C1orf185: variants seen among roughly 807,000 people sequenced by gnomAD.
C1orf185 encodes the protein uncharacterized protein C1orf185.
In C1orf185, 13 loss-of-function variants were observed where a neutral mutation model predicts 16.1. The ratio of observed to expected loss-of-function variants is 0.81; its 90% CI spans 0.53 to 1.28. The LOEUF is 1.28. Ranked by LOEUF, C1orf185 falls within the 50% of genes most tolerant of loss-of-function variation. C1orf185 has a pLI of 0.00. For synonymous variants in C1orf185, 80 were observed against 76.9 expected (o/e 1.04, Z -0.21); for missense variants, 220 against 225.2 (o/e 0.98, Z 0.15).
At chr1:51,149,231 A>G (rs1296113447), downstream of C1orf185, among the ~76,000 whole-genome samples, 1 of 152,220 alleles carries the variant, frequency 6.6e-6, no homozygotes, top group Non-Finnish European at 1.5e-5. Context: ...TTTGTGCTTA[A>G]ATTACCCATA....
Position 51,121,314 on chromosome 1 carries a change from C to G in C1orf185, c.258+2513C>G, listed in dbSNP as rs188026800. Among the ~76,000 whole-genome samples the G allele has an allele frequency of 5.3e-5, 8 of 152,218 alleles. No homozygotes were observed. In the East Asian group the frequency reaches 1.5e-3, roughly 29 times the overall value. ...CCATCCCAGCCCACCATTCTACTGT[C>G]TGCTTCTACGAGTTCAACTTTTTTA... On this transcript the variant is annotated intron_variant, in intron 3 of 4. Coordinates refer to ENST00000371759, the MANE Select transcript of C1orf185 (RefSeq NM_001136508.2).
At position 51,145,104 on chromosome 1, in the gene C1orf185, T is replaced by G. The variant is rs1036171058; in HGVS notation, c.259-620T>G. Among the ~76,000 whole-genome samples, 6 of 152,206 alleles carry G rather than the reference T, an allele frequency of 3.9e-5. No homozygotes were observed. In the East Asian group the frequency reaches 1.2e-3, roughly 29 times the overall value. ...CTACAACACTATACTTCCCAGAACA[T>G]ATCTGGAATGTATTGTTTAAGCAAT... On this transcript the variant is annotated intron_variant, in intron 3 of 4. Transcript: ENST00000371759.
chr1:51,115,767 G>A (rs1398682619), intron 2 of C1orf185, among the ~76,000 whole-genome samples: 3 of 152,130 alleles, frequency 2.0e-5, no homozygotes, highest in African/African-American at 7.2e-5. Context: ...AGACAAGTCT[G>A]GAGACTATTG....
chr1:51,135,115 C>A (rs79531862), intron 3 of C1orf185, among the ~76,000 whole-genome samples: 3 of 152,172 alleles, frequency 2.0e-5, no homozygotes, highest in Admixed American at 6.5e-5. Context: ...TACTGGCAAA[C>A]CAAATCCAGC....
intron 3 of C1orf185, among the ~76,000 whole-genome samples, chr1:51,144,671 C>A (rs1210105805): frequency 1.3e-5 from 2 of 152,088 alleles, no homozygotes; most frequent in Non-Finnish European, 2.9e-5. Flanking sequence ...TGTGATCATG[C>A]CACTGCACCC....
At chr1:51,150,014 G>A (rs999396382), downstream of C1orf185, among the ~76,000 whole-genome samples, 1 of 152,054 alleles carries the variant, frequency 6.6e-6, no homozygotes, top group Non-Finnish European at 1.5e-5. Context: ...CTTTGTTAAG[G>A]AACCCTTGTA....
At chr1:51,103,733 A>T (rs1646050511) in intron 1 of C1orf185, among the ~76,000 whole-genome samples, 1 of 152,040 alleles carries the variant, frequency 6.6e-6, no homozygotes, top group Non-Finnish European at 1.5e-5. Context: ...CAGGGTTTCA[A>T]CATGTTGGCC....
intron 3 of C1orf185, among the ~76,000 whole-genome samples, chr1:51,125,012 G>A (rs114921865): frequency 6.6e-6 from 1 of 152,266 alleles, no homozygotes; most frequent in African/African-American, 2.4e-5. Context: ...TCATTTTATG[G>A]GTATAGGCCC....
intron 3 of C1orf185, among the ~76,000 whole-genome samples, chr1:51,135,775 C>T (rs1046093850): frequency 1.3e-5 from 2 of 152,170 alleles, no homozygotes; most frequent in African/African-American, 2.4e-5. Flanking sequence ...CTCACCACTC[C>T]TATTCAACAT....
intron 1 of C1orf185, among the ~76,000 whole-genome samples, chr1:51,103,410 A>ACACACACACACAC: frequency 1.6e-5 from 2 of 128,922 alleles, no homozygotes; most frequent in African/African-American, 6.1e-5. Context: ...TGTCTCGAAA[A>ACACACACACACAC]ACACACACAC....
At chr1:51,107,595 G>C (rs1437033512) in intron 1 of C1orf185, among the ~76,000 whole-genome samples, 1 of 151,982 alleles carries the variant, frequency 6.6e-6, no homozygotes, top group African/African-American at 2.4e-5. Context: ...TATTTTTTCA[G>C]TTTTATTCAT....
chr1:51,130,681 A>C (rs531006695), intron 3 of C1orf185, among the ~76,000 whole-genome samples: 4 of 152,292 alleles, frequency 2.6e-5, no homozygotes, highest in East Asian at 3.9e-4. Context: ...CTTATCAAAA[A>C]TCAGTTGACT....
chr1:51,104,291 G>T (rs1646053971), intron 1 of C1orf185, among the ~76,000 whole-genome samples: 1 of 152,020 alleles, frequency 6.6e-6, no homozygotes, highest in Non-Finnish European at 1.5e-5. Context: ...AAAAATAAAA[G>T]CAGGACTTAT....
In C1orf185 at chr1:51,115,952, C is replaced by A. The variant is rs554771716; in HGVS notation, c.123-2714C>A. 4.6e-5 allele frequency among the ~76,000 whole-genome samples: 7 copies of A among 152,172 alleles called. 1 individual carries two copies. The South Asian group carries it at 1.5e-3, about 32-fold the overall frequency. On this transcript the variant is annotated intron_variant, in intron 2 of 4. Transcript: ENST00000371759. The stretch of plus-strand genomic sequence containing the variant: ...CATAACTTTTTGCCGTAAGCAGATA[C>A]GTAGTTTATACTTTACTCAGCTCAG...
At position 51,127,989 on chromosome 1, in the gene C1orf185, G is replaced by T. The variant is rs1646254404; in HGVS notation, c.258+9188G>T. 2.0e-5 allele frequency among the ~76,000 whole-genome samples: 3 copies of T among 149,394 alleles called. No homozygotes were observed. The South Asian group carries it at 6.4e-4, about 32-fold the overall frequency. The stretch of plus-strand genomic sequence containing the variant: ...TGCAACCTGCACCTCCTGGGTTCAA[G>T]CGATTCTCCTGCCTCAGCCTCCCGA... On this transcript the variant is annotated intron_variant, in intron 3 of 4. Transcript: ENST00000371759.
intron 3 of C1orf185, chr1:51,129,692 A>G (rs1646269123): frequency 6.6e-6 from 1 of 152,318 alleles, no homozygotes; most frequent in Admixed American, 6.5e-5. Flanking sequence ...GAAGTCCAAG[A>G]TCAAGATGCT....
chr1:51,148,802 C>T (rs571011110), downstream of C1orf185, among the ~76,000 whole-genome samples: 3 of 152,278 alleles, frequency 2.0e-5, no homozygotes, highest in Non-Finnish European at 2.9e-5. Context: ...TGGCACATGC[C>T]TGTAGTCCCA....
In C1orf185 at chr1:51,147,858, G is replaced by T. The variant is rs1646411597; in HGVS notation, c.*87G>T. On this transcript the variant is annotated 3_prime_UTR_variant, in exon 5 of 5. Transcript: ENST00000371759. ...TAAAACCTTCAACATAATACTGAATGACTTTTTTCTTTTGAAACCTTGTAT... is the reference window on the plus strand; with the variant it reads ...TAAAACCTTCAACATAATACTGAATTACTTTTTTCTTTTGAAACCTTGTAT... 2 of 1,222,524 alleles carry T rather than the reference G, an allele frequency of 1.6e-6. No individual in the cohort carries two copies. Among genetic ancestry groups the T allele is most frequent in the South Asian group, 3.5e-5 (2 of 57,256 alleles). 75.7% of individuals were successfully genotyped at this position (1,222,524 alleles called of 1,614,324 possible).
intron 3 of C1orf185, among the ~76,000 whole-genome samples, chr1:51,127,370 C>T (rs1360896267): frequency 6.6e-6 from 1 of 152,038 alleles, no homozygotes; most frequent in Non-Finnish European, 1.5e-5. Context: ...CTCACTGCAA[C>T]CTCCGCCTCC....
Sources: gnomAD v4.1 joint callset for allele counts (sites outside exome capture counted in the v4.1 genomes callset) on GRCh38, gnomAD v4.1.1 for gene constraint, MANE v1.5 for transcripts, NCBI Gene and HGNC (gene_info 2026-07-23, HGNC 2026-07-21) for gene names.